CNTNAP5: variants seen among roughly 807,000 people sequenced by gnomAD.
The protein encoded by CNTNAP5 is contactin associated protein family member 5, also known as contactin-associated protein-like 5.
CNTNAP5 carries 72 observed loss-of-function variants against 150.2 expected under a neutral mutation model. That is an observed-to-expected ratio of 0.48 (90% CI 0.40 to 0.58). The LOEUF (loss-of-function observed/expected upper bound fraction) is 0.58, where lower values mean the gene tolerates loss of function less well. Ranked by LOEUF, CNTNAP5 falls within the 20% of genes least tolerant of loss-of-function variation. The probability of loss-of-function intolerance (pLI) is 0.00; values close to 1 mark genes in which losing one functional copy is unlikely to be tolerated. For synonymous variants in CNTNAP5, 672 were observed against 619.8 expected (o/e 1.08, Z -1.25); for missense variants, 1,636 against 1,626.2 (o/e 1.01, Z -0.10).
At chr2:124,307,765 G>A (rs1688727833) in intron 3 of CNTNAP5, among the ~76,000 whole-genome samples, 1 of 152,154 alleles carries the variant, frequency 6.6e-6, no homozygotes, top group Non-Finnish European at 1.5e-5. Flanking sequence ...AGGTGGGGAA[G>A]CAAGTGATGA....
At chr2:124,767,213 A>C (rs1055249278) in intron 16 of CNTNAP5, among the ~76,000 whole-genome samples, 1 of 152,170 alleles carries the variant, frequency 6.6e-6, no homozygotes, top group African/African-American at 2.4e-5. Flanking sequence ...GTTCCTCTAA[A>C]ACTATCTGAG....
At chr2:124,798,536 T>C (rs10170205) in intron 19 of CNTNAP5, among the ~76,000 whole-genome samples, 13,419 of 152,290 alleles carry the variant, frequency 0.088, 1,070 homozygotes, top group African/African-American at 0.21. Flanking sequence ...CTCAAATGCA[T>C]TGACTTTAAT....
intron 1 of CNTNAP5, among the ~76,000 whole-genome samples, chr2:124,040,380 C>T (rs1353790405): frequency 1.3e-5 from 2 of 151,966 alleles, no homozygotes; most frequent in Non-Finnish European, 2.9e-5. Context: ...ATACTGTTAC[C>T]TGAAAAACAC....
chr2:124,682,691 T>G (rs10202904), intron 13 of CNTNAP5, among the ~76,000 whole-genome samples: 84,981 of 151,966 alleles, frequency 0.56, 24,647 homozygotes, highest in African/African-American at 0.64. Flanking sequence ...GTTGATTTTA[T>G]TTATTTTGCC....
intron 1 of CNTNAP5, among the ~76,000 whole-genome samples, chr2:124,220,014 C>T (rs1425053288): frequency 6.6e-6 from 1 of 152,062 alleles, no homozygotes; most frequent in East Asian, 1.9e-4. Context: ...TACACTTTGC[C>T]AGTTGATTTT....
At chr2:124,755,578 T>G (rs900773197) in intron 14 of CNTNAP5, among the ~76,000 whole-genome samples, 10 of 152,174 alleles carry the variant, frequency 6.6e-5, no homozygotes, top group Non-Finnish European at 1.3e-4. Context: ...TTCCTTTCAT[T>G]CTCTCTGTCT....
At chr2:124,084,596 T>A (rs1358487905) in intron 1 of CNTNAP5, among the ~76,000 whole-genome samples, 2 of 152,036 alleles carry the variant, frequency 1.3e-5, no homozygotes, top group Non-Finnish European at 2.9e-5. Flanking sequence ...TTGCATTGGC[T>A]ATACATACAT....
intron 1 of CNTNAP5, among the ~76,000 whole-genome samples, chr2:124,187,086 T>A (rs116314914): frequency 1.3e-4 from 20 of 152,152 alleles, no homozygotes; most frequent in African/African-American, 4.3e-4. Context: ...TGACATACAG[T>A]ACAATAACAG....
intron 14 of CNTNAP5, among the ~76,000 whole-genome samples, chr2:124,759,876 T>C (rs1680921094): frequency 6.6e-6 from 1 of 151,294 alleles, no homozygotes; most frequent in Non-Finnish European, 1.5e-5. Flanking sequence ...GCATTTGCTT[T>C]GGTTGGCAGC....
At chr2:124,322,713 C>G (rs1689128187) in intron 3 of CNTNAP5, among the ~76,000 whole-genome samples, 1 of 152,094 alleles carries the variant, frequency 6.6e-6, no homozygotes, top group African/African-American at 2.4e-5. Context: ...TTTGCAATGA[C>G]TCCTTGGGCA....
intron 1 of CNTNAP5, among the ~76,000 whole-genome samples, chr2:124,203,239 C>A (rs945198177): frequency 3.3e-5 from 5 of 152,192 alleles, no homozygotes; most frequent in African/African-American, 4.8e-5. Context: ...TCTCCTTTGA[C>A]TCCATGTCTC....
At chr2:124,103,420 A>G (rs947452218) in intron 1 of CNTNAP5, among the ~76,000 whole-genome samples, 1 of 151,944 alleles carries the variant, frequency 6.6e-6, no homozygotes, top group Non-Finnish European at 1.5e-5. Flanking sequence ...AGGCCTTCAC[A>G]TTCACTCTCC....
chr2:124,181,186 T>C (rs1164281037), intron 1 of CNTNAP5, among the ~76,000 whole-genome samples: 1 of 152,128 alleles, frequency 6.6e-6, no homozygotes. Flanking sequence ...GCATATTTTA[T>C]AAAATGTTAG....
At chr2:124,663,271 A>T (rs1026259354) in intron 13 of CNTNAP5, among the ~76,000 whole-genome samples, 1 of 152,220 alleles carries the variant, frequency 6.6e-6, no homozygotes, top group African/African-American at 2.4e-5. Flanking sequence ...CGCCAGTTAG[A>T]CATTCGCTTG....
At chr2:124,516,342 C>T (rs1694717012) in intron 8 of CNTNAP5, among the ~76,000 whole-genome samples, 2 of 152,042 alleles carry the variant, frequency 1.3e-5, no homozygotes, top group Non-Finnish European at 2.9e-5. Context: ...CAGCTACCTT[C>T]GAATTGTTAA....
chr2:124,559,644 C>T (rs902393207), intron 10 of CNTNAP5, among the ~76,000 whole-genome samples: 3 of 152,164 alleles, frequency 2.0e-5, no homozygotes, highest in Non-Finnish European at 4.4e-5. Flanking sequence ...TTTCCACTTC[C>T]CAGTTCTATG....
At chr2:124,297,815 TATTA>T (rs753031139) in intron 3 of CNTNAP5, among the ~76,000 whole-genome samples, 23,613 of 78,028 alleles carry the variant, frequency 0.3, 2,089 homozygotes, top group Non-Finnish European at 0.33. Context: ...AATTATTTAT[TATTA>T]TTATTATTAT....
At position 124,790,107 on chromosome 2, in the gene CNTNAP5, C is replaced by G; in HGVS notation, c.2958C>G (p.Thr986=). The change falls in exon 18 of 24, where the codon ACC becomes ACG. Residue 986 remains threonine, a synonymous_variant. Coordinates refer to ENST00000682447, the MANE Select transcript of CNTNAP5 (RefSeq NM_001367498.1). ...ACAATGGCTACCTGTGTGATTGCAC[C>G]AATTCACCTTATGAAGGGCCCTTTT... is the stretch of plus-strand genomic sequence containing the variant. ...EKHNGYLCDC[T]NSPYEGPFCK... 6.2e-7 allele frequency: 1 copy of G among 1,613,800 alleles called. No individual in the cohort carries two copies. Among genetic ancestry groups the G allele is most frequent in the Non-Finnish European group, 8.5e-7 (1 of 1,179,812 alleles).
At chr2:124,730,346 G>GAT (rs139189466) in intron 13 of CNTNAP5, among the ~76,000 whole-genome samples, 2,452 of 146,664 alleles carry the variant, frequency 0.017, 29 homozygotes, top group African/African-American at 0.038. Flanking sequence ...CATGTGTACA[G>GAT]ATATATATAT....
Sources: allele counts gnomAD v4.1 joint callset (sites outside exome capture counted in the v4.1 genomes callset), GRCh38; gene constraint gnomAD v4.1.1; transcripts MANE v1.5; gene names NCBI Gene and HGNC (gene_info 2026-07-23, HGNC 2026-07-21).